Variants in UGT1A3 observed in about 807,000 individuals in gnomAD.
UGT1A3 encodes UDP glucuronosyltransferase family 1 member A3.
A neutral mutation model predicts 41.0 loss-of-function variants in UGT1A3; 31 were observed. The observed-to-expected ratio is 0.76, with a 90% CI of 0.57 to 1.02. The LOEUF is 1.02. Ranked by LOEUF, UGT1A3 falls within the 50% of genes least tolerant of loss-of-function variation. The pLI is 0.00. For synonymous variants in UGT1A3, 262 were observed against 257.6 expected, an observed-to-expected ratio of 1.02 and a Z score of -0.17; for missense variants, 737 against 671.0, an observed-to-expected ratio of 1.10 and a Z score of -1.09.
chr2:233,754,611 T>A (rs562553027), intron 1 of UGT1A3: 1 of 437,308 alleles, frequency 2.3e-6, no homozygotes, highest in East Asian at 7.0e-5. Flanking sequence ...CAACTCTCCA[T>A]CTTCCTCCAC....
intron 1 of UGT1A3, among the ~76,000 whole-genome samples, chr2:233,757,216 G>A (rs1430883014): frequency 6.9e-6 from 1 of 145,650 alleles, no homozygotes; most frequent in Non-Finnish European, 1.5e-5. Context: ...GGAAGCTGCT[G>A]ACCAAGGTTC....
intron 1 of UGT1A3, among the ~76,000 whole-genome samples, chr2:233,766,563 T>C (rs533483088): frequency 6.6e-6 from 1 of 152,304 alleles, no homozygotes; most frequent in South Asian, 2.1e-4. Context: ...CCTAGGTCCA[T>C]GGGCACAGGT....
At chr2:233,760,916 T>G (rs1345834782) in intron 1 of UGT1A3, 6 of 1,614,048 alleles carry the variant, frequency 3.7e-6, no homozygotes, top group African/African-American at 2.7e-5. Flanking sequence ...CTGCAGCGGG[T>G]GAAGAACATG....
chr2:233,769,597 C>T lies in UGT1A3; in HGVS notation c.1307+1158C>T, dbSNP rs772266725. 4 of 1,612,818 alleles carry T rather than the reference C, an allele frequency of 2.5e-6. No individual in the cohort carries two copies. Among genetic ancestry groups the T allele is most frequent in the Non-Finnish European group, 3.4e-6 (4 of 1,179,876 alleles). On this transcript the variant is annotated intron_variant, in intron 4 of 4. Transcript: ENST00000482026. The surrounding 1 kb of genome is among the most constrained non-coding windows in gnomAD (Gnocchi z 4.4). ...CATGTTCAGATGAGAGGAGACGGAACACGGGGACACACCAGCTTGAGCAAG... is the reference window on the plus strand; with the variant it reads ...CATGTTCAGATGAGAGGAGACGGAATACGGGGACACACCAGCTTGAGCAAG...
At chr2:233,757,297 T>G (rs1200339866) in intron 1 of UGT1A3, among the ~76,000 whole-genome samples, 15 of 102,166 alleles carry the variant, frequency 1.5e-4, no homozygotes, top group South Asian at 3.6e-4. Context: ...CAGCTGGGGG[T>G]TGGGGGACAG....
intron 4 of UGT1A3, chr2:233,770,022 T>G (rs12474441): frequency 0.019 from 3,075 of 161,660 alleles, 63 homozygotes; most frequent in Admixed American, 0.065. Context: ...CTTCTTTCCC[T>G]GCACTGTTGA....
At chr2:233,747,872 G>A (rs1394034943) in intron 1 of UGT1A3, 4 of 1,613,378 alleles carry the variant, frequency 2.5e-6, no homozygotes, top group African/African-American at 1.3e-5. Flanking sequence ...CTCTGGCCCT[G>A]TCCTACCTTT....
At chr2:233,747,905 T>C in intron 1 of UGT1A3, 4 of 1,613,538 alleles carry the variant, frequency 2.5e-6, no homozygotes, top group Non-Finnish European at 3.4e-6. Flanking sequence ...CTGCTCCTTA[T>C]GCAAGCCTTG....
In UGT1A3 at chr2:233,743,160, T is replaced by C. The variant is rs191127881; in HGVS notation, c.867+13167T>C. On this transcript the variant is annotated intron_variant, in intron 1 of 4. Coordinates refer to ENST00000482026, the MANE Select transcript of UGT1A3 (RefSeq NM_019093.4). ...AAAAAAAGTCCGCTATTCCTCCAGA[T>C]GTGCTTAAAGTCAAATGTGGACTGG... The C allele has an allele frequency of 3.8e-4, 139 of 361,394 alleles. 1 individual carries two copies. Among genetic ancestry groups the C allele is most frequent in the Middle Eastern group, 7.9e-4 (2 of 2,540 alleles). 22.4% of individuals were successfully genotyped at this position (361,394 alleles called of 1,614,324 possible). A position where few individuals can be genotyped will look rare whatever the true frequency, so the allele number is the denominator to read the frequency against.
intron 1 of UGT1A3, among the ~76,000 whole-genome samples, chr2:233,740,339 A>G (rs1249228201): frequency 7.9e-5 from 12 of 151,952 alleles, no homozygotes; most frequent in Non-Finnish European, 1.5e-4. Flanking sequence ...GAGAAAGTTG[A>G]TGAGAAAGTG....
intron 1 of UGT1A3, chr2:233,760,764 C>A (rs199766420): frequency 8.1e-6 from 13 of 1,614,088 alleles, no homozygotes; most frequent in Non-Finnish European, 1.0e-5. Context: ...GCAGCCCCAT[C>A]GTGGCCCAGT....
chr2:233,760,416 GCTTGGGGC>G, intron 1 of UGT1A3: 1 of 1,614,218 alleles, frequency 6.2e-7, no homozygotes, highest in Non-Finnish European at 8.5e-7. Flanking sequence ...GGCTGAGCAT[GCTTGGGGC>G]CATCCAGCAG....
chr2:233,733,512 C>T (rs1027549522), intron 1 of UGT1A3, among the ~76,000 whole-genome samples: 2 of 152,148 alleles, frequency 1.3e-5, no homozygotes, highest in African/African-American at 4.8e-5. Flanking sequence ...CAGTTTTAGG[C>T]ATGAAGGGAT....
intron 1 of UGT1A3, among the ~76,000 whole-genome samples, chr2:233,766,606 C>T (rs961105676): frequency 6.6e-6 from 1 of 152,198 alleles, no homozygotes; most frequent in Non-Finnish European, 1.5e-5. Context: ...GGACCACACC[C>T]TCTTCTACCC....
chr2:233,732,557 T>C (rs1353780891), intron 1 of UGT1A3, among the ~76,000 whole-genome samples: 4 of 152,228 alleles, frequency 2.6e-5, no homozygotes, highest in Non-Finnish European at 5.9e-5. Flanking sequence ...ATTTATTAAA[T>C]AAGGAATCCT....
chr2:233,734,458 A>G lies in UGT1A3; in HGVS notation c.867+4465A>G, dbSNP rs561790564. On this transcript the variant is annotated intron_variant, in intron 1 of 4. Coordinates refer to ENST00000482026, the MANE Select transcript of UGT1A3 (RefSeq NM_019093.4). ...TGCCAGAGGTCTATCAATTTTCAAAATCCATCTCCTGGATTCATTGATTTT... is the reference window on the plus strand; with the variant it reads ...TGCCAGAGGTCTATCAATTTTCAAAGTCCATCTCCTGGATTCATTGATTTT... 1.5e-3 allele frequency among the ~76,000 whole-genome samples: 233 copies of G among 152,160 alleles called. 2 individuals carry two copies. The highest frequency in any genetic ancestry group is 5.3e-3 in the African/African-American group (218 of 41,522).
chr2:233,745,215 C>A (rs1693043227), intron 1 of UGT1A3, among the ~76,000 whole-genome samples: 1 of 151,738 alleles, frequency 6.6e-6, no homozygotes, highest in African/African-American at 2.4e-5. Context: ...TCCTCTCAGA[C>A]AAAAGGAAAT....
chr2:233,760,210 T>A, intron 1 of UGT1A3: 1 of 1,591,180 alleles, frequency 6.3e-7, no homozygotes, highest in African/African-American at 1.4e-5. Flanking sequence ...AAACATTAAC[T>A]TGGTGTATCG....
At chr2:233,767,302 A>G (rs951994488) in intron 2 of UGT1A3, 137 bp downstream of exon 2, 1 of 1,534,820 alleles carries the variant, frequency 6.5e-7, no homozygotes, top group African/African-American at 1.4e-5. Context: ...TATTAATCCA[A>G]AGGTTTTTTT....
Sources: gnomAD v4.1 joint callset for allele counts (sites outside exome capture counted in the v4.1 genomes callset) on GRCh38, gnomAD v4.1.1 for gene constraint, Gnocchi (gnomAD v3.1) non-coding constraint, MANE v1.5 for transcripts, NCBI Gene and HGNC (gene_info 2026-07-23, HGNC 2026-07-21) for gene names.